SLC25A21: variants seen among roughly 807,000 people sequenced by gnomAD.
The protein encoded by SLC25A21 is solute carrier family 25 member 21.
Under a neutral mutation model 43.8 loss-of-function variants are expected in SLC25A21, and 47 were observed. The ratio of observed to expected loss-of-function variants is 1.07; its 90% CI spans 0.85 to 1.37. The LOEUF (loss-of-function observed/expected upper bound fraction) is 1.37. SLC25A21 is among the 40% of genes most tolerant of loss of function. The pLI, the probability that SLC25A21 is intolerant of heterozygous loss-of-function variation, is 0.00. For synonymous variants in SLC25A21, 131 were observed against 121.3 expected, an observed-to-expected ratio of 1.08 and a Z score of -0.52; for missense variants, 352 against 350.2, an observed-to-expected ratio of 1.00 and a Z score of -0.04.
rs555675830 is a variant in SLC25A21, at chr14:37,124,159, T to C, written c.70+48122A>G. ...TTGCTCAGGGTAGTCTTGAACTCCGTGTTCAAGTGACCCTCCTGTCTCCAC... is the reference window on the plus strand; with the variant it reads ...TTGCTCAGGGTAGTCTTGAACTCCGCGTTCAAGTGACCCTCCTGTCTCCAC... On this transcript the variant is annotated intron_variant, in intron 1 of 9. Transcript: ENST00000331299. Among the ~76,000 whole-genome samples the C allele has an allele frequency of 2.0e-5, 3 of 151,974 alleles. No homozygotes were observed. The South Asian group carries it at 6.3e-4, about 32-fold the overall frequency.
intron 1 of SLC25A21, among the ~76,000 whole-genome samples, chr14:37,118,425 C>G (rs1963145899): frequency 6.6e-6 from 1 of 152,130 alleles, no homozygotes; most frequent in African/African-American, 2.4e-5. Context: ...AAACTCTAGC[C>G]TCCAAATTTT....
intron 3 of SLC25A21, among the ~76,000 whole-genome samples, chr14:36,802,030 C>G (rs1329590939): frequency 6.6e-6 from 1 of 152,182 alleles, no homozygotes; most frequent in African/African-American, 2.4e-5. Context: ...GCCTCACCTT[C>G]AGACACCTGC....
chr14:37,031,923 T>C (rs577319510), intron 1 of SLC25A21, among the ~76,000 whole-genome samples: 1 of 152,328 alleles, frequency 6.6e-6, no homozygotes, highest in Non-Finnish European at 1.5e-5. Flanking sequence ...AATCTCACAT[T>C]GTACGTAGAA....
intron 1 of SLC25A21, among the ~76,000 whole-genome samples, chr14:37,142,331 T>C (rs1028572589): frequency 2.0e-5 from 3 of 152,120 alleles, no homozygotes; most frequent in African/African-American, 7.2e-5. Context: ...TCACAGACTA[T>C]CATCGAGGTA....
intron 2 of SLC25A21, among the ~76,000 whole-genome samples, chr14:36,833,028 T>C (rs1889090441): frequency 6.6e-6 from 1 of 152,132 alleles, no homozygotes; most frequent in Non-Finnish European, 1.5e-5. Context: ...AGAAGTTCAT[T>C]ATGGTTAAAT....
At chr14:37,163,152 G>T (rs1346764713) in intron 1 of SLC25A21, among the ~76,000 whole-genome samples, 1 of 148,256 alleles carries the variant, frequency 6.7e-6, no homozygotes, top group Non-Finnish European at 1.5e-5. Flanking sequence ...GGGGTGGGGG[G>T]ATGGGGGAGG....
At chr14:37,167,494 A>G (rs1274934889) in intron 1 of SLC25A21, among the ~76,000 whole-genome samples, 1 of 151,212 alleles carries the variant, frequency 6.6e-6, no homozygotes, top group East Asian at 1.9e-4. Context: ...CTTTGGGAGG[A>G]ACTTCATTTA....
chr14:37,049,103 T>C (rs1961651077), intron 1 of SLC25A21, among the ~76,000 whole-genome samples: 1 of 152,202 alleles, frequency 6.6e-6, no homozygotes, highest in East Asian at 1.9e-4. Flanking sequence ...CAGAAGATTA[T>C]GAAGCAGCCA....
chr14:36,805,311 A>T (rs1276480211), intron 3 of SLC25A21, among the ~76,000 whole-genome samples: 1 of 152,110 alleles, frequency 6.6e-6, no homozygotes, highest in East Asian at 1.9e-4. Context: ...GGGGAGTCGG[A>T]GTGTGAGTGT....
At position 36,680,577 on chromosome 14, in the gene SLC25A21, G is replaced by T; in HGVS notation, c.*81C>A. 1 of 1,519,470 alleles carries T rather than the reference G, an allele frequency of 6.6e-7. No individual in the cohort carries two copies. The highest frequency in any genetic ancestry group is 1.4e-5 in the South Asian group (1 of 73,984). 94.1% of individuals were successfully genotyped at this position (1,519,470 alleles called of 1,614,324 possible). On this transcript the variant is annotated 3_prime_UTR_variant, in exon 10 of 10. Coordinates refer to ENST00000331299, the MANE Select transcript of SLC25A21 (RefSeq NM_030631.4). ...TTTCTCCTTCATAATTATACACCTG[G>T]CCGATCGATAGTCTCTCTTCTTCAT...
chr14:36,830,549 A>T (rs1441421408), intron 2 of SLC25A21, among the ~76,000 whole-genome samples: 1 of 152,128 alleles, frequency 6.6e-6, no homozygotes, highest in Non-Finnish European at 1.5e-5. Context: ...TTTCAGGGAA[A>T]GGGGTACTAG....
At chr14:36,933,536 T>C (rs1397011730) in intron 1 of SLC25A21, among the ~76,000 whole-genome samples, 1 of 152,152 alleles carries the variant, frequency 6.6e-6, no homozygotes, top group Non-Finnish European at 1.5e-5. Context: ...AATGTTGTTA[T>C]AAAAGATGCA....
Position 36,678,991 on chromosome 14 carries a change from C to T in SLC25A21, c.*1667G>A. Reference sequence around the variant, plus strand: ...TAATGTTGACATATTTCCTCTATCTCATAGATGGTAAAAGTGTTGCTTTTA... The same window carrying T: ...TAATGTTGACATATTTCCTCTATCTTATAGATGGTAAAAGTGTTGCTTTTA... On this transcript the variant is annotated 3_prime_UTR_variant, in exon 10 of 10. Transcript: ENST00000331299. 1 of 973,686 alleles carries T rather than the reference C, an allele frequency of 1.0e-6. No individual in the cohort carries two copies. The highest frequency in any genetic ancestry group is 1.2e-4 in the East Asian group (1 of 8,456). The allele number at this position is 973,686 out of a possible 1,614,324, so 60.3% of individuals were successfully genotyped here. A position where few individuals can be genotyped will look rare whatever the true frequency, so the allele number is the denominator to read the frequency against.
At chr14:36,972,061 A>C (rs1053979305) in intron 1 of SLC25A21, among the ~76,000 whole-genome samples, 1 of 152,196 alleles carries the variant, frequency 6.6e-6, no homozygotes, top group Non-Finnish European at 1.5e-5. Flanking sequence ...TGGTCCCGTA[A>C]GATTATAACA....
At position 37,163,294 on chromosome 14, in the gene SLC25A21, TAATAAATA is replaced by T. The variant is rs34749912; in HGVS notation, c.70+8979_70+8986del. On this transcript the variant is annotated intron_variant, in intron 1 of 9. Transcript: ENST00000331299. ...TACCCTAAAACTTAAAGTATAATAA[TAATAAATA>T]AATAAATAAATAAATAAAAAGAAAT... Among the ~76,000 whole-genome samples, 847 of 147,784 alleles carry T rather than the reference TAATAAATA, an allele frequency of 5.7e-3. 9 individuals are homozygous for T. The highest frequency in any genetic ancestry group is 0.02 in the African/African-American group (808 of 40,822).
intron 1 of SLC25A21, among the ~76,000 whole-genome samples, chr14:37,055,553 T>C (rs1023060615): frequency 1.2e-4 from 19 of 152,174 alleles, no homozygotes; most frequent in African/African-American, 4.3e-4. Flanking sequence ...CCTGGGCCTC[T>C]TGAAACATTC....
At chr14:37,159,140 A>G (rs2138945785) in intron 1 of SLC25A21, among the ~76,000 whole-genome samples, 1 of 152,208 alleles carries the variant, frequency 6.6e-6, no homozygotes, top group Non-Finnish European at 1.5e-5. Flanking sequence ...ATTAATAACA[A>G]TAAAATGACA....
At chr14:36,909,540 C>T (rs1282408342) in intron 1 of SLC25A21, among the ~76,000 whole-genome samples, 1 of 152,164 alleles carries the variant, frequency 6.6e-6, no homozygotes, top group Admixed American at 6.5e-5. Context: ...CCTTGGGATT[C>T]TCTCCTCACT....
chr14:36,835,573 C>T (rs973350616), intron 2 of SLC25A21, among the ~76,000 whole-genome samples: 62 of 152,264 alleles, frequency 4.1e-4, no homozygotes, highest in African/African-American at 1.5e-3. Flanking sequence ...TTAACACAAA[C>T]GTTTAGCCCA....
Sources: allele counts gnomAD v4.1 joint callset (sites outside exome capture counted in the v4.1 genomes callset), GRCh38; gene constraint gnomAD v4.1.1; transcripts MANE v1.5; gene names NCBI Gene and HGNC (gene_info 2026-07-23, HGNC 2026-07-21).